The following NUP188 variants were observed in gnomAD, a reference collection of about 807,000 sequenced individuals.
NUP188 encodes nucleoporin NUP188.
NUP188 carries 97 observed loss-of-function variants against 223.0 expected under a neutral mutation model. The ratio of observed to expected loss-of-function variants is 0.43; its 90% CI spans 0.37 to 0.51. The LOEUF is 0.51. NUP188 is among the 20% of genes least tolerant of loss of function. The pLI is 0.00. For synonymous variants in NUP188, 869 were observed against 828.0 expected, an observed-to-expected ratio of 1.05 and a Z score of -0.85; for missense variants, 1,947 against 2,175.6, an observed-to-expected ratio of 0.89 and a Z score of 2.09.
chr9:128,990,820 G>A lies in NUP188; in HGVS notation c.2640+594G>A, dbSNP rs192533092. 1.1e-3 allele frequency among the ~76,000 whole-genome samples: 161 copies of A among 152,148 alleles called. 1 individual carries two copies. In the East Asian group the frequency reaches 0.03, roughly 28 times the overall value. ...GCGGAACTTGCAGTGAGCTGAGATCGCGCCACTGCACTCCAGCCTGGGTGA... is the reference window on the plus strand; with the variant it reads ...GCGGAACTTGCAGTGAGCTGAGATCACGCCACTGCACTCCAGCCTGGGTGA... On this transcript the variant is annotated intron_variant, in intron 25 of 43. Transcript: ENST00000372577.
chr9:128,956,569 C>T lies in NUP188; in HGVS notation c.246+135C>T. 5.4e-6 allele frequency: 3 copies of T among 558,556 alleles called. No individual in the cohort carries two copies. In the South Asian group the frequency reaches 7.8e-5, roughly 15 times the overall value. 34.6% of individuals were successfully genotyped at this position (558,556 alleles called of 1,614,324 possible). A position where few individuals can be genotyped will look rare whatever the true frequency, so the allele number is the denominator to read the frequency against. ...TGTTTTATAAATACCCAGGTTGCAA[C>T]TCTTCTCCCTAAAAGTTACAAGTCA... On this transcript the variant is annotated intron_variant, in intron 4 of 43. Transcript: ENST00000372577.
rs778714873 is a variant in NUP188, at chr9:129,002,946, G to GT, written c.4268dup (p.Val1425CysfsTer37). 1 of 1,614,190 alleles carries GT rather than the reference G, an allele frequency of 6.2e-7. No homozygotes were observed. The highest frequency in any genetic ancestry group is 8.5e-7 in the Non-Finnish European group (1 of 1,180,036). On this transcript the variant is annotated frameshift_variant, in exon 37 of 44. Coordinates refer to ENST00000372577, the MANE Select transcript of NUP188 (RefSeq NM_015354.3). LOFTEE classifies it high-confidence loss of function. Reference sequence around the variant, plus strand: ...CTTCCTGCCTGAGGCCCTGGACTTCGTGGGTGTCCACCAGGAGCGGACCTT... The same window carrying GT: ...CTTCCTGCCTGAGGCCCTGGACTTCGTTGGGTGTCCACCAGGAGCGGACCTT...
At chr9:128,958,467 G>C (rs1208111541) in intron 6 of NUP188, among the ~76,000 whole-genome samples, 1 of 152,106 alleles carries the variant, frequency 6.6e-6, no homozygotes, top group African/African-American at 2.4e-5. Flanking sequence ...CAAGCAATTA[G>C]GACCTATATC....
At chr9:129,003,004 G>T in intron 37 of NUP188, 29 bp downstream of exon 37, 1 of 1,610,092 alleles carries the variant, frequency 6.2e-7, no homozygotes, top group Non-Finnish European at 8.5e-7. Context: ...TGCAGGGGTG[G>T]GAGTTTCAGG....
intron 12 of NUP188, among the ~76,000 whole-genome samples, chr9:128,973,974 G>A (rs1588277646): frequency 2.0e-5 from 3 of 152,094 alleles, no homozygotes; most frequent in Non-Finnish European, 4.4e-5. Context: ...GCAGTGACGC[G>A]ATCTCGGCTC....
chr9:128,969,499 T>C lies in NUP188; in HGVS notation c.897T>C (p.Asp299=), dbSNP rs1364905708. Reference sequence around the variant, plus strand: ...GAGAACTGCATCAGTTTGCGCAGGATGGGCTTATTTGTCAGGTGACTTGGA... The same window carrying C: ...GAGAACTGCATCAGTTTGCGCAGGACGGGCTTATTTGTCAGGTGACTTGGA... ...DRRELHQFAQ[D]GLICQDMDCL... Residue 299 remains aspartate, a synonymous_variant, in exon 10 of 44, where the codon GAT becomes GAC. Coordinates refer to ENST00000372577, the MANE Select transcript of NUP188 (RefSeq NM_015354.3). 6.4e-7 allele frequency: 1 copy of C among 1,559,208 alleles called. No individual in the cohort carries two copies. The highest frequency in any genetic ancestry group is 2.1e-5 in the Admixed American group (1 of 47,244).
rs752883592 is a variant in NUP188 at position 129,006,665 on chromosome 9, A to G, written c.5237A>G (p.His1746Arg). The change falls in exon 44 of 44, where the codon CAT becomes CGT. Residue 1746 changes from histidine to arginine, a missense_variant. His to Arg is a conservative substitution (Grantham distance 29). Transcript: ENST00000372577. ...CAGTTGGTGCAGGCGTTTGTCCGGC[A>G]TATGCAAAGATAGGGCAGTGCTGTT... ...LIQLVQAFVR[H>R]MQR 1.1e-5 allele frequency: 17 copies of G among 1,613,140 alleles called. No individual in the cohort carries two copies. Among genetic ancestry groups the G allele is most frequent in the Admixed American group, 1.7e-5 (1 of 59,920 alleles).
At chr9:128,971,784 T>A (rs1168306738) in intron 11 of NUP188, among the ~76,000 whole-genome samples, 1 of 149,098 alleles carries the variant, frequency 6.7e-6, no homozygotes, top group Non-Finnish European at 1.5e-5. Flanking sequence ...CTTTCCTTTT[T>A]CTTTTTTTTG....
chr9:128,965,043 G>A (rs1190288146), intron 8 of NUP188, among the ~76,000 whole-genome samples: 1 of 152,124 alleles, frequency 6.6e-6, no homozygotes, highest in Non-Finnish European at 1.5e-5. Context: ...TGTCAGTTTT[G>A]TCTATTATGG....
chr9:128,998,271 G>A, intron 31 of NUP188, 43 bp downstream of exon 31: 1 of 1,519,316 alleles, frequency 6.6e-7, no homozygotes, highest in South Asian at 1.1e-5. Flanking sequence ...CAGGGAGGTT[G>A]TCTTTGAAGT....
At chr9:128,998,015 G>A (rs1019554289) in intron 30 of NUP188, 136 bp from the exon 31 acceptor site, 16 of 696,532 alleles carry the variant, frequency 2.3e-5, no homozygotes, top group African/African-American at 1.2e-4. Context: ...CACCACGCCC[G>A]GCCTATATAA....
chr9:128,975,443 C>T (rs1161260482), intron 12 of NUP188, among the ~76,000 whole-genome samples: 3 of 151,522 alleles, frequency 2.0e-5, no homozygotes, highest in South Asian at 2.1e-4. Context: ...AGGATGATCT[C>T]GATTTCCTGA....
chr9:128,998,073 A>G, intron 30 of NUP188, 78 bp from the exon 31 acceptor site: 1 of 964,814 alleles, frequency 1.0e-6, no homozygotes, highest in East Asian at 2.4e-5. Flanking sequence ...CTAATTGCCT[A>G]GCAGAGGACC....
At chr9:128,965,955 G>A (rs1842021283) in intron 8 of NUP188, among the ~76,000 whole-genome samples, 1 of 150,592 alleles carries the variant, frequency 6.6e-6, no homozygotes, top group South Asian at 2.1e-4. Flanking sequence ...CCACCACCAC[G>A]CCCAGCTTTT....
In NUP188 at chr9:128,986,789, C is replaced by T; in HGVS notation, c.2198-20C>T. 1 of 1,614,080 alleles carries T rather than the reference C, an allele frequency of 6.2e-7. No homozygotes were observed. Among genetic ancestry groups the T allele is most frequent in the Non-Finnish European group, 8.5e-7 (1 of 1,179,962 alleles). Reference sequence around the variant, plus strand: ...CATTTCACAAGGCCACATCATTCCTCTGTCTTTTCTGGAGTCCAGGTTGCC... The same window carrying T: ...CATTTCACAAGGCCACATCATTCCTTTGTCTTTTCTGGAGTCCAGGTTGCC... On this transcript the variant is annotated intron_variant, in intron 21 of 43. Coordinates refer to ENST00000372577, the MANE Select transcript of NUP188 (RefSeq NM_015354.3).
In NUP188 at chr9:129,002,714, G is replaced by C. The variant is rs535823220; in HGVS notation, c.4138-103G>C. ...GACAGTGGCTGTGTCTATTCTGGGA[G>C]ATCTTTTCCTTTCAGCGCAGCTGGG... On this transcript the variant is annotated intron_variant, in intron 36 of 43. Coordinates refer to ENST00000372577, the MANE Select transcript of NUP188 (RefSeq NM_015354.3). The C allele has an allele frequency of 6.6e-4, 833 of 1,252,770 alleles. 1 individual carries two copies. Among genetic ancestry groups the C allele is most frequent in the Admixed American group, 1.1e-3 (48 of 42,530 alleles). The allele number at this position is 1,252,770 out of a possible 1,614,324, so 77.6% of individuals were successfully genotyped here. A position where few individuals can be genotyped will look rare whatever the true frequency, so the allele number is the denominator to read the frequency against.
At chr9:128,988,651 C>G (rs1450600417) in intron 24 of NUP188, among the ~76,000 whole-genome samples, 4 of 150,772 alleles carry the variant, frequency 2.7e-5, no homozygotes, top group African/African-American at 9.8e-5. Context: ...CCAAAATGTT[C>G]CAGTGAGCAT....
At position 128,983,312 on chromosome 9, in the gene NUP188, C is replaced by T. The variant is rs761008229; in HGVS notation, c.1816C>T (p.Pro606Ser). 7.4e-6 allele frequency: 12 copies of T among 1,614,074 alleles called. No individual in the cohort carries two copies. In the South Asian group the frequency reaches 1.3e-4, roughly 18 times the overall value. The change falls in exon 18 of 44, where the codon CCA becomes TCA. Residue 606 changes from proline to serine, a missense_variant. Pro to Ser is a moderately conservative substitution (Grantham distance 74). Around this residue, in one of 3 missense-constraint regions of NUP188, gnomAD observed 817 missense variants for 865.8 expected, o/e 0.94. Transcript: ENST00000372577. ...LLQRLTTVIS[P>S]PVDVIASCVN... ...AACCAGGTTAACGACAGTGATCTCC[C>T]CACCTGTGGATGTCATTGCTTCTTG... is the stretch of plus-strand genomic sequence containing the variant.
At chr9:129,000,419 C>T (rs553394048) in intron 34 of NUP188, among the ~76,000 whole-genome samples, 48 of 152,220 alleles carry the variant, frequency 3.2e-4, no homozygotes, top group African/African-American at 9.4e-4. Flanking sequence ...CCCAGATTCA[C>T]GCCATTCTCC....
Sources: gnomAD v4.1 joint callset for allele counts (sites outside exome capture counted in the v4.1 genomes callset) on GRCh38, gnomAD v4.1.1 for gene constraint, gnomAD v4.1.1 regional missense constraint, MANE v1.5 for transcripts, NCBI Gene and HGNC (gene_info 2026-07-23, HGNC 2026-07-21) for gene names.